Variants in ZBTB7C observed in about 807,000 individuals in gnomAD.
ZBTB7C encodes the protein zinc finger and BTB domain-containing protein 7C.
ZBTB7C carries 8 observed loss-of-function variants against 25.7 expected under a neutral mutation model. The ratio of observed to expected loss-of-function variants is 0.31; its 90% CI spans 0.18 to 0.56. ZBTB7C has a LOEUF of 0.56. ZBTB7C is among the 20% of genes least tolerant of loss of function. The probability of loss-of-function intolerance (pLI) is 0.91; values close to 1 mark genes in which losing one functional copy is unlikely to be tolerated. For missense variants in ZBTB7C, 824 were observed against 855.2 expected (o/e 0.96, Z 0.46); for synonymous variants, 394 against 369.0 (o/e 1.07, Z -0.78).
chr18:48,209,504 C>A (rs1399376884), intron 2 of ZBTB7C, among the ~76,000 whole-genome samples: 2 of 152,250 alleles, frequency 1.3e-5, no homozygotes, highest in East Asian at 3.9e-4. Flanking sequence ...CCCGTAATCC[C>A]AGCACTTTGG....
chr18:48,385,347 C>T (rs1034611703), intron 1 of ZBTB7C, among the ~76,000 whole-genome samples: 2 of 152,180 alleles, frequency 1.3e-5, no homozygotes, highest in East Asian at 1.9e-4. Context: ...TCCTGCAGTG[C>T]GTGGCCATTA....
intron 2 of ZBTB7C, among the ~76,000 whole-genome samples, chr18:48,288,314 T>C (rs1434642834): frequency 6.6e-6 from 1 of 152,168 alleles, no homozygotes; most frequent in Non-Finnish European, 1.5e-5. Context: ...GATTAGGTCA[T>C]GGAGGCACAA....
intron 2 of ZBTB7C, among the ~76,000 whole-genome samples, chr18:48,249,830 G>A (rs2043797682): frequency 6.6e-6 from 1 of 151,984 alleles, no homozygotes; most frequent in East Asian, 1.9e-4. Context: ...CACTCCCTCT[G>A]CTGTGGAGTT....
At chr18:48,348,359 C>A (rs1245534280) in intron 1 of ZBTB7C, among the ~76,000 whole-genome samples, 1 of 152,214 alleles carries the variant, frequency 6.6e-6, no homozygotes, top group East Asian at 1.9e-4. Context: ...CAAGGTCACA[C>A]AGTTTATAAA....
intron 2 of ZBTB7C, among the ~76,000 whole-genome samples, chr18:48,261,484 G>C (rs1207077522): frequency 1.3e-5 from 2 of 152,148 alleles, no homozygotes; most frequent in Non-Finnish European, 2.9e-5. Context: ...TGGCGCTGCC[G>C]GAACTATGTG....
At chr18:48,276,953 C>T (rs1330365072) in intron 2 of ZBTB7C, among the ~76,000 whole-genome samples, 1 of 148,432 alleles carries the variant, frequency 6.7e-6, no homozygotes, top group African/African-American at 2.5e-5. Context: ...CACATCCTCT[C>T]CAGCACCTGT....
chr18:48,228,193 T>C (rs2043154076), intron 2 of ZBTB7C, among the ~76,000 whole-genome samples: 1 of 152,000 alleles, frequency 6.6e-6, no homozygotes, highest in Non-Finnish European at 1.5e-5. Flanking sequence ...CTGCAGGCAA[T>C]AAATAGCAGT....
At chr18:48,204,993 TG>T (rs1410957201) in intron 2 of ZBTB7C, among the ~76,000 whole-genome samples, 1 of 151,976 alleles carries the variant, frequency 6.6e-6, no homozygotes, top group Non-Finnish European at 1.5e-5. Context: ...CAGCCCAGCT[TG>T]GGGGTGGAGT....
intron 3 of ZBTB7C, among the ~76,000 whole-genome samples, chr18:48,143,797 G>A (rs1025404493): frequency 6.6e-6 from 1 of 152,148 alleles, no homozygotes; most frequent in Non-Finnish European, 1.5e-5. Context: ...GTTCAGCGAG[G>A]ATCCCCCTAC....
intron 3 of ZBTB7C, among the ~76,000 whole-genome samples, chr18:48,043,695 T>C (rs1016128829): frequency 6.6e-6 from 1 of 152,000 alleles, no homozygotes; most frequent in African/African-American, 2.4e-5. Context: ...TGGTTGATAT[T>C]GTACTATGGT....
intron 3 of ZBTB7C, among the ~76,000 whole-genome samples, chr18:48,183,296 T>C (rs979358184): frequency 2.6e-5 from 4 of 152,346 alleles, no homozygotes; most frequent in Non-Finnish European, 4.4e-5. Flanking sequence ...CACAGTCTTG[T>C]TGGTTGTAGA....
At chr18:48,107,722 C>A (rs1176838115) in intron 3 of ZBTB7C, among the ~76,000 whole-genome samples, 1 of 152,106 alleles carries the variant, frequency 6.6e-6, no homozygotes, top group Non-Finnish European at 1.5e-5. Context: ...GGACAGCGTA[C>A]CCTTCCCCGC....
chr18:48,233,958 A>C (rs1388661713), intron 2 of ZBTB7C, among the ~76,000 whole-genome samples: 1 of 152,130 alleles, frequency 6.6e-6, no homozygotes, highest in African/African-American at 2.4e-5. Flanking sequence ...CACATCAGTC[A>C]GTCATTATCT....
chr18:48,138,298 A>G (rs998169618), intron 3 of ZBTB7C, among the ~76,000 whole-genome samples: 2 of 152,070 alleles, frequency 1.3e-5, no homozygotes, highest in Non-Finnish European at 2.9e-5. Context: ...AGACAAAACT[A>G]TCTCCTCCAA....
At chr18:48,310,829 G>A (rs1056494564) in intron 2 of ZBTB7C, among the ~76,000 whole-genome samples, 1 of 152,174 alleles carries the variant, frequency 6.6e-6, no homozygotes, top group African/African-American at 2.4e-5. Context: ...CTCTTTGTGG[G>A]GTGACCTATC....
chr18:48,342,491 C>G (rs898573068), intron 1 of ZBTB7C, among the ~76,000 whole-genome samples: 1 of 152,130 alleles, frequency 6.6e-6, no homozygotes, highest in Non-Finnish European at 1.5e-5. Flanking sequence ...AAACATCGCC[C>G]GAACCCCTCC....
intron 3 of ZBTB7C, among the ~76,000 whole-genome samples, chr18:48,123,642 G>C (rs1052995861): frequency 6.6e-6 from 1 of 150,426 alleles, no homozygotes; most frequent in African/African-American, 2.5e-5. Context: ...ACTGCTTCCT[G>C]GTCGGCTGCC....
intron 3 of ZBTB7C, among the ~76,000 whole-genome samples, chr18:48,098,901 A>C (rs9945161): frequency 0.61 from 92,221 of 152,062 alleles, 28,331 homozygotes; most frequent in South Asian, 0.7. Context: ...CTTTGTAAAC[A>C]GGTAAATGAA....
At chr18:48,379,128 C>T (rs575845757) in intron 1 of ZBTB7C, among the ~76,000 whole-genome samples, 19 of 152,264 alleles carry the variant, frequency 1.2e-4, no homozygotes, top group African/African-American at 4.6e-4. Flanking sequence ...ATCTTTTCTC[C>T]ATTAAGTTGT....
Sources: allele counts gnomAD v4.1 joint callset (sites outside exome capture counted in the v4.1 genomes callset), GRCh38; gene constraint gnomAD v4.1.1; transcripts MANE v1.5; gene names NCBI Gene and HGNC (gene_info 2026-07-23, HGNC 2026-07-21).